KLHL1: variants seen among roughly 807,000 people sequenced by gnomAD.
KLHL1 encodes kelch like family member 1.
In KLHL1, 47 loss-of-function variants were observed where a neutral mutation model predicts 77.7. The observed-to-expected ratio is 0.60, with a 90% CI of 0.48 to 0.77. The LOEUF (loss-of-function observed/expected upper bound fraction) is 0.77, where lower values mean the gene tolerates loss of function less well. KLHL1 is among the 30% of genes least tolerant of loss of function. The pLI is 0.00. For synonymous variants in KLHL1, 360 were observed against 325.2 expected (o/e 1.11, Z -1.15); for missense variants, 925 against 910.8 (o/e 1.02, Z -0.20).
At chr13:69,966,174 T>C (rs1227983980) in intron 2 of KLHL1, among the ~76,000 whole-genome samples, 1 of 152,156 alleles carries the variant, frequency 6.6e-6, no homozygotes, top group Non-Finnish European at 1.5e-5. Flanking sequence ...ATAAAGAAGA[T>C]GTCATCTAGG....
intron 1 of KLHL1, among the ~76,000 whole-genome samples, chr13:70,006,523 A>T (rs1296143330): frequency 6.4e-5 from 9 of 140,116 alleles, no homozygotes; most frequent in African/African-American, 2.4e-4. Context: ...TTTTTCAAAG[A>T]GTTTGAGAAG....
At chr13:70,102,895 A>G (rs2137456744) in intron 1 of KLHL1, among the ~76,000 whole-genome samples, 1 of 152,348 alleles carries the variant, frequency 6.6e-6, no homozygotes, top group African/African-American at 2.4e-5. Flanking sequence ...TTATTGAGTA[A>G]CTACCTGCTC....
intron 6 of KLHL1, among the ~76,000 whole-genome samples, chr13:69,798,832 C>T (rs943711318): frequency 3.9e-5 from 6 of 152,002 alleles, no homozygotes; most frequent in African/African-American, 1.4e-4. Flanking sequence ...CTTTGTGAGG[C>T]CAAGGAAGGT....
chr13:69,921,409 T>C (rs1769301291), intron 4 of KLHL1, among the ~76,000 whole-genome samples: 1 of 152,236 alleles, frequency 6.6e-6, no homozygotes. Flanking sequence ...ATTTGCTATA[T>C]AAATGTTGTC....
chr13:70,106,047 T>A (rs1339557704), intron 1 of KLHL1, among the ~76,000 whole-genome samples: 1 of 151,114 alleles, frequency 6.6e-6, no homozygotes. Context: ...TAACCACATA[T>A]GTCAGCATAA....
chr13:70,067,666 G>T (rs941171600), intron 1 of KLHL1, among the ~76,000 whole-genome samples: 1 of 150,176 alleles, frequency 6.7e-6, no homozygotes, highest in Non-Finnish European at 1.5e-5. Context: ...ACAACAAAAA[G>T]GTTCTTGATG....
At chr13:69,875,117 T>G (rs1473514291) in intron 5 of KLHL1, among the ~76,000 whole-genome samples, 1 of 152,138 alleles carries the variant, frequency 6.6e-6, no homozygotes, top group African/African-American at 2.4e-5. Context: ...AAATCAACTG[T>G]GTCAAACACA....
chr13:69,738,732 C>T (rs1170756112), intron 8 of KLHL1, among the ~76,000 whole-genome samples: 1 of 152,052 alleles, frequency 6.6e-6, no homozygotes, highest in East Asian at 1.9e-4. Flanking sequence ...AACAAAACCT[C>T]TGAGAACTAT....
chr13:70,001,748 T>C (rs1663050557), intron 1 of KLHL1, among the ~76,000 whole-genome samples: 1 of 151,538 alleles, frequency 6.6e-6, no homozygotes, highest in Admixed American at 6.6e-5. Flanking sequence ...TGTATTTTAA[T>C]ATCCATATAA....
rs112372097 is a variant in KLHL1, at chr13:69,893,764, T to G, written c.1015-11269A>C. On this transcript the variant is annotated intron_variant, in intron 4 of 10. Coordinates refer to ENST00000377844, the MANE Select transcript of KLHL1 (RefSeq NM_020866.3). ...TCATACCTCACATTTTCATCCTGGA[T>G]GGTCTCAATTCTGGAAATGGCTGTT... is the stretch of plus-strand genomic sequence containing the variant. Among the ~76,000 whole-genome samples, 80 of 152,336 alleles carry G rather than the reference T, an allele frequency of 5.3e-4. 1 individual carries two copies. The highest frequency in any genetic ancestry group is 1.8e-3 in the African/African-American group (75 of 41,592).
intron 4 of KLHL1, among the ~76,000 whole-genome samples, chr13:69,887,968 C>G (rs1881280671): frequency 6.6e-6 from 1 of 152,094 alleles, no homozygotes; most frequent in African/African-American, 2.4e-5. Flanking sequence ...CAATTTCTGT[C>G]TTACTTATTT....
rs114984544 is a variant in KLHL1 at position 69,722,667 on chromosome 13, A to G, written c.1803-3086T>C. Reference sequence around the variant, plus strand: ...TTAAAAATAATAAATGCTGATGAGGATGTGAAAAAGGAGAAACTCATACAT... The same window carrying G: ...TTAAAAATAATAAATGCTGATGAGGGTGTGAAAAAGGAGAAACTCATACAT... On this transcript the variant is annotated intron_variant, in intron 8 of 10. Coordinates refer to ENST00000377844, the MANE Select transcript of KLHL1 (RefSeq NM_020866.3). 8.0e-3 allele frequency among the ~76,000 whole-genome samples: 1,212 copies of G among 152,202 alleles called. 18 individuals carry two copies. The highest frequency in any genetic ancestry group is 0.028 in the African/African-American group (1,156 of 41,554).
chr13:70,023,087 A>G (rs1446668386), intron 1 of KLHL1, among the ~76,000 whole-genome samples: 1 of 151,960 alleles, frequency 6.6e-6, no homozygotes, highest in Non-Finnish European at 1.5e-5. Flanking sequence ...CTATACCTAG[A>G]GTGCTGGAAA....
At chr13:70,078,363 AATG>A (rs1887312823) in intron 1 of KLHL1, among the ~76,000 whole-genome samples, 1 of 152,154 alleles carries the variant, frequency 6.6e-6, no homozygotes, top group South Asian at 2.1e-4. Context: ...TTACAAAATT[AATG>A]ATGTTCAAAG....
intron 1 of KLHL1, among the ~76,000 whole-genome samples, chr13:70,049,930 C>A (rs1271858000): frequency 1.3e-5 from 2 of 150,818 alleles, no homozygotes; most frequent in African/African-American, 4.9e-5. Flanking sequence ...TCTAAAACTG[C>A]AAAATATTAA....
intron 9 of KLHL1, among the ~76,000 whole-genome samples, chr13:69,718,105 C>T (rs576356297): frequency 6.6e-6 from 1 of 152,196 alleles, no homozygotes; most frequent in East Asian, 1.9e-4. Context: ...GAAAGAATAT[C>T]CTTTTTCTAC....
intron 1 of KLHL1, among the ~76,000 whole-genome samples, chr13:69,981,671 GA>G (rs1483122696): frequency 6.6e-6 from 1 of 151,716 alleles, no homozygotes; most frequent in Non-Finnish European, 1.5e-5. Flanking sequence ...GTGGGAAATT[GA>G]AAATTTGTTA....
intron 6 of KLHL1, among the ~76,000 whole-genome samples, chr13:69,823,430 T>C (rs1319919218): frequency 1.3e-5 from 2 of 152,074 alleles, no homozygotes; most frequent in African/African-American, 2.4e-5. Flanking sequence ...GGCTCTAAAG[T>C]CTATATATAA....
chr13:69,705,366 A>G (rs1380931129), intron 10 of KLHL1, among the ~76,000 whole-genome samples: 3 of 151,718 alleles, frequency 2.0e-5, no homozygotes, highest in Non-Finnish European at 4.4e-5. Flanking sequence ...CTGTTAATCG[A>G]TTCCTAATCT....
Sources: gnomAD v4.1 joint callset for allele counts (sites outside exome capture counted in the v4.1 genomes callset) on GRCh38, gnomAD v4.1.1 for gene constraint, MANE v1.5 for transcripts, NCBI Gene and HGNC (gene_info 2026-07-23, HGNC 2026-07-21) for gene names.